The following SH3BP4 variants were observed in gnomAD, a reference collection of about 807,000 sequenced individuals.
SH3BP4 encodes SH3 domain binding protein 4, also known as SH3 domain-binding protein 4.
In SH3BP4, 33 loss-of-function variants were observed where a neutral mutation model predicts 65.5. That is an observed-to-expected ratio of 0.50 (90% CI 0.38 to 0.67). SH3BP4 has a LOEUF of 0.67. Among genes scored for constraint, SH3BP4 ranks in the 30% least tolerant of loss-of-function variants. The pLI is 0.00. For synonymous variants in SH3BP4, 552 were observed against 545.5 expected, an observed-to-expected ratio of 1.01 and a Z score of -0.17; for missense variants, 1,134 against 1,261.4, an observed-to-expected ratio of 0.90 and a Z score of 1.53.
intron 1 of SH3BP4, among the ~76,000 whole-genome samples, chr2:234,988,763 G>A (rs893660053): frequency 1.3e-5 from 2 of 152,334 alleles, no homozygotes; most frequent in Middle Eastern, 3.4e-3. Context: ...CGGGTGCTGG[G>A]TGGGTGGTTG....
intron 1 of SH3BP4, among the ~76,000 whole-genome samples, chr2:234,986,442 T>G (rs938363096): frequency 1.3e-5 from 2 of 152,238 alleles, no homozygotes; most frequent in East Asian, 3.8e-4. Flanking sequence ...TAACTTCTAC[T>G]TTCAAAGACT....
In SH3BP4 at chr2:235,034,188, G is replaced by A. The variant is rs887624051; in HGVS notation, c.-132-683G>A. On this transcript the variant is annotated intron_variant, in intron 2 of 5. Transcript: ENST00000392011. This position sits in a 1 kb window ranked among gnomAD's most constrained non-coding sequence, Gnocchi z 6.2. ...AGAAAAAAAAAGCAGAGGCCTTAGG[G>A]GTGATTCTTGTGGTCTCTTCCACGG... is the stretch of plus-strand genomic sequence containing the variant. 1.3e-5 allele frequency among the ~76,000 whole-genome samples: 2 copies of A among 152,156 alleles called. No individual in the cohort carries two copies. The highest frequency in any genetic ancestry group is 2.9e-5 in the Non-Finnish European group (2 of 68,030).
Position 235,055,534 on chromosome 2 carries a change from C to A in SH3BP4, c.*1718C>A, listed in dbSNP as rs937171897. On this transcript the variant is annotated 3_prime_UTR_variant, in exon 6 of 6. Transcript: ENST00000392011. ...AAAGAAGAAACAAAACCAGTTGCAC[C>A]TTAAACCATGGATATTTTTTCCTCA... is the stretch of plus-strand genomic sequence containing the variant. 6.6e-6 allele frequency: 1 copy of A among 152,592 alleles called. No individual in the cohort carries two copies. The highest frequency in any genetic ancestry group is 1.5e-5 in the Non-Finnish European group (1 of 68,036). 9.5% of individuals were successfully genotyped at this position (152,592 alleles called of 1,614,324 possible).
Position 235,052,665 on chromosome 2 carries a change from C to G in SH3BP4, c.2582C>G (p.Ala861Gly), listed in dbSNP as rs1696097169. 1 of 1,596,468 alleles carries G rather than the reference C, an allele frequency of 6.3e-7. No homozygotes were observed. Among genetic ancestry groups the G allele is most frequent in the East Asian group, 2.3e-5 (1 of 43,760 alleles). ...VEVAQRWREL[A>G]EKLAKVSKQQ... ...GTGGCCCAGCGCTGGCGGGAGCTGG[C>G]TGAGAAGCTGGCCAAGGTCTCCAAG... The change falls in exon 5 of 6, where the codon GCT (alanine) becomes GGT (glycine). Residue 861 changes from alanine to glycine, a missense_variant. Ala to Gly is a moderately conservative substitution (Grantham distance 60). Coordinates refer to ENST00000392011, the MANE Select transcript of SH3BP4 (RefSeq NM_014521.3). The surrounding 1 kb of genome is among the most constrained non-coding windows in gnomAD (Gnocchi z 5.0).
chr2:235,019,170 G>T (rs560840889), intron 2 of SH3BP4, among the ~76,000 whole-genome samples: 54 of 152,266 alleles, frequency 3.5e-4, no homozygotes, highest in Non-Finnish European at 5.0e-4. Flanking sequence ...GACTTAATTT[G>T]CAGGGTGCCC....
chr2:234,968,987 C>G (rs1208326829), intron 1 of SH3BP4, among the ~76,000 whole-genome samples: 1 of 152,290 alleles, frequency 6.6e-6, no homozygotes, highest in South Asian at 2.1e-4. Context: ...AAGATGCTGT[C>G]TTCTAGAGCT....
intron 2 of SH3BP4, among the ~76,000 whole-genome samples, chr2:235,012,819 A>G (rs1694557278): frequency 6.6e-6 from 1 of 152,224 alleles, no homozygotes; most frequent in Admixed American, 6.5e-5. Flanking sequence ...ACTGTGGTCC[A>G]AGGAGCAGGA....
intron 2 of SH3BP4, among the ~76,000 whole-genome samples, chr2:235,011,615 A>G (rs1211706601): frequency 1.3e-5 from 2 of 152,112 alleles, no homozygotes; most frequent in Admixed American, 6.5e-5. Context: ...ATTTCCGTAA[A>G]CCTGCTGAGA....
chr2:235,023,832 A>G (rs1694915899), intron 2 of SH3BP4, among the ~76,000 whole-genome samples: 1 of 152,294 alleles, frequency 6.6e-6, no homozygotes, highest in African/African-American at 2.4e-5. Flanking sequence ...TAGCCTAAGA[A>G]GAATTGTAAT....
rs1004292319 is a variant in SH3BP4 at position 235,034,151 on chromosome 2, G to GTGCGCCCTTC, written c.-132-719_-132-710dup. Among the ~76,000 whole-genome samples the GTGCGCCCTTC allele has an allele frequency of 1.3e-5, 2 of 152,012 alleles. No homozygotes were observed. Among genetic ancestry groups the GTGCGCCCTTC allele is most frequent in the African/African-American group, 2.4e-5 (1 of 41,390 alleles). On this transcript the variant is annotated intron_variant, in intron 2 of 5. Coordinates refer to ENST00000392011, the MANE Select transcript of SH3BP4 (RefSeq NM_014521.3). This position sits in a 1 kb window ranked among gnomAD's most constrained non-coding sequence, Gnocchi z 6.2. ...CCCCCCACATGCTTCAGTCCTGTCTGTGCGCCCTTCCAGAAAAAAAAAGCA... is the reference window on the plus strand; with the variant it reads ...CCCCCCACATGCTTCAGTCCTGTCTGTGCGCCCTTCTGCGCCCTTCCAGAAAAAAAAAGCA...
At chr2:235,048,070 C>T (rs1369316503) in intron 4 of SH3BP4, among the ~76,000 whole-genome samples, 1 of 152,106 alleles carries the variant, frequency 6.6e-6, no homozygotes, top group Non-Finnish European at 1.5e-5. Context: ...TGGGAGAAGA[C>T]CCACTTTAAC....
chr2:234,971,059 C>T (rs2106247490), intron 1 of SH3BP4, among the ~76,000 whole-genome samples: 1 of 152,268 alleles, frequency 6.6e-6, no homozygotes, highest in Non-Finnish European at 1.5e-5. Context: ...TAAATGTTAT[C>T]ATCCTAACCA....
At position 235,030,013 on chromosome 2, in the gene SH3BP4, C is replaced by T. The variant is rs1695129385; in HGVS notation, c.-132-4858C>T. Reference sequence around the variant, plus strand: ...CACAGCAAGTTCCAGCGAATGTGGCCAGTGATTGATTGAAGGGTTGAGATC... The same window carrying T: ...CACAGCAAGTTCCAGCGAATGTGGCTAGTGATTGATTGAAGGGTTGAGATC... On this transcript the variant is annotated intron_variant, in intron 2 of 5. Transcript: ENST00000392011. The surrounding 1 kb of genome is among the most constrained non-coding windows in gnomAD (Gnocchi z 4.1). Among the ~76,000 whole-genome samples, 1 of 152,148 alleles carries T rather than the reference C, an allele frequency of 6.6e-6. No individual in the cohort carries two copies. The highest frequency in any genetic ancestry group is 2.4e-5 in the African/African-American group (1 of 41,414).
intron 1 of SH3BP4, among the ~76,000 whole-genome samples, chr2:234,987,065 C>CCCGG (rs35690175): frequency 0.092 from 14,046 of 151,978 alleles, 1,270 homozygotes; most frequent in East Asian, 0.5. Context: ...AGCCACCCCG[C>CCCGG]CCGGCCTGCT....
chr2:235,017,600 G>A (rs988833846), intron 2 of SH3BP4, among the ~76,000 whole-genome samples: 6 of 152,070 alleles, frequency 3.9e-5, no homozygotes, highest in African/African-American at 1.4e-4. Context: ...GTCTTCTCAG[G>A]ATGAGTGACT....
At chr2:235,036,071 AGATAAAGTTG>A (rs1019486833) in intron 3 of SH3BP4, among the ~76,000 whole-genome samples, 1 of 152,244 alleles carries the variant, frequency 6.6e-6, no homozygotes, top group African/African-American at 2.4e-5. Flanking sequence ...GCTATCCCCC[AGATAAAGTTG>A]TAATCCTCTA....
At chr2:234,973,578 CT>C (rs1236628763) in intron 1 of SH3BP4, among the ~76,000 whole-genome samples, 4 of 152,172 alleles carry the variant, frequency 2.6e-5, no homozygotes, top group African/African-American at 9.7e-5. Flanking sequence ...ACGTACCCCC[CT>C]GAACAGACAG....
intron 3 of SH3BP4, among the ~76,000 whole-genome samples, chr2:235,038,036 C>G (rs925626960): frequency 1.3e-5 from 2 of 151,070 alleles, no homozygotes; most frequent in African/African-American, 4.9e-5. Flanking sequence ...TCCACAAATA[C>G]TCATTGAGTC....
intron 2 of SH3BP4, among the ~76,000 whole-genome samples, chr2:235,024,074 G>A (rs909390571): frequency 3.3e-5 from 5 of 152,140 alleles, no homozygotes; most frequent in African/African-American, 9.7e-5. Flanking sequence ...TAGATATCTC[G>A]ATTAGTAATT....
Sources: gnomAD v4.1 joint callset for allele counts (sites outside exome capture counted in the v4.1 genomes callset) on GRCh38, gnomAD v4.1.1 for gene constraint, Gnocchi (gnomAD v3.1) non-coding constraint, MANE v1.5 for transcripts, NCBI Gene and HGNC (gene_info 2026-07-23, HGNC 2026-07-21) for gene names.